The following CAND1 variants were observed in gnomAD, a reference collection of about 807,000 sequenced individuals.
CAND1 encodes cullin-associated NEDD8-dissociated protein 1.
In CAND1, 7 loss-of-function variants were observed where a neutral mutation model predicts 108.5. The observed-to-expected ratio is 0.06, with a 90% CI of 0.04 to 0.12. The LOEUF is 0.12. CAND1 is among the 10% of genes least tolerant of loss of function. The pLI, the probability that CAND1 is intolerant of heterozygous loss-of-function variation, is 1.00. For synonymous variants in CAND1, 534 were observed against 512.0 expected (o/e 1.04, Z -0.58); for missense variants, 941 against 1,448.7 (o/e 0.65, Z 5.69).
In CAND1 at chr12:67,311,818, T is replaced by C; in HGVS notation, c.3468+18T>C. ...CAACTAAGGTAAGAAATGATAAGTA[T>C]CAACCTAGGTCAGACTTGGTGTATT... On this transcript the variant is annotated intron_variant, in intron 14 of 14. Transcript: ENST00000545606. 1 of 1,411,282 alleles carries C rather than the reference T, an allele frequency of 7.1e-7. No homozygotes were observed. The highest frequency in any genetic ancestry group is 1.0e-6 in the Non-Finnish European group (1 of 995,490). The allele number at this position is 1,411,282 out of a possible 1,614,324, so 87.4% of individuals were successfully genotyped here. A position where few individuals can be genotyped will look rare whatever the true frequency, so the allele number is the denominator to read the frequency against.
At chr12:67,280,259 G>T (rs1425013705) in intron 1 of CAND1, among the ~76,000 whole-genome samples, 1 of 152,162 alleles carries the variant, frequency 6.6e-6, no homozygotes, top group Admixed American at 6.5e-5. Context: ...ATACCTACTT[G>T]CATGTAGTGT....
chr12:67,281,360 C>G (rs1399140453), intron 1 of CAND1, among the ~76,000 whole-genome samples: 1 of 151,842 alleles, frequency 6.6e-6, no homozygotes, highest in African/African-American at 2.4e-5. Flanking sequence ...AGAAAATAGG[C>G]CTGATACCTA....
intron 11 of CAND1, among the ~76,000 whole-genome samples, chr12:67,308,088 T>C (rs1317813105): frequency 6.6e-6 from 1 of 152,046 alleles, no homozygotes; most frequent in Non-Finnish European, 1.5e-5. Flanking sequence ...TTGCATTTTG[T>C]TTTTATCATT....
chr12:67,291,359 C>G (rs1158139159), intron 2 of CAND1, among the ~76,000 whole-genome samples: 1 of 151,010 alleles, frequency 6.6e-6, no homozygotes, highest in African/African-American at 2.5e-5. Context: ...TTTTATAAAT[C>G]TCCTCAAGGA....
chr12:67,316,253 A>G lies in CAND1; in HGVS notation c.*3423A>G, dbSNP rs2045006496. On this transcript the variant is annotated 3_prime_UTR_variant, in exon 15 of 15. Coordinates refer to ENST00000545606, the MANE Select transcript of CAND1 (RefSeq NM_018448.5). The stretch of plus-strand genomic sequence containing the variant: ...TATTCTGGTTTTAACTGACTTTTCC[A>G]TTTAAATAAAATTCATTTGATAATT... 6.6e-6 allele frequency: 1 copy of G among 152,322 alleles called. No homozygotes were observed. Among genetic ancestry groups the G allele is most frequent in the South Asian group, 2.1e-4 (1 of 4,828 alleles). 9.4% of individuals were successfully genotyped at this position (152,322 alleles called of 1,614,324 possible). A position where few individuals can be genotyped will look rare whatever the true frequency, so the allele number is the denominator to read the frequency against.
intron 1 of CAND1, among the ~76,000 whole-genome samples, chr12:67,276,753 T>G (rs1432268600): frequency 6.6e-6 from 1 of 152,184 alleles, no homozygotes; most frequent in Non-Finnish European, 1.5e-5. Context: ...ATCAGATCGG[T>G]TAGTAATAAC....
intron 8 of CAND1, 66 bp from the exon 9 acceptor site, chr12:67,304,539 T>C (rs1424510234): frequency 2.0e-6 from 3 of 1,493,774 alleles, no homozygotes; most frequent in East Asian, 4.5e-5. Context: ...TTCTCCATAA[T>C]TCATGTTAAG....
chr12:67,303,337 A>C (rs1176266129), intron 8 of CAND1, among the ~76,000 whole-genome samples: 1 of 152,224 alleles, frequency 6.6e-6, no homozygotes. Flanking sequence ...CGGGACACAC[A>C]TACTGTATCT....
chr12:67,301,417 T>C (rs1328142947), intron 7 of CAND1, among the ~76,000 whole-genome samples: 1 of 152,282 alleles, frequency 6.6e-6, no homozygotes, highest in South Asian at 2.1e-4. Context: ...AATAAAGAAA[T>C]TATTGTGAGA....
At position 67,269,657 on chromosome 12, in the gene CAND1, G is replaced by C; in HGVS notation, c.-61G>C. ...AGGAGCTCCAGTGGCGGCGGCGGCG[G>C]CGGCAGCGGCAGCGGGCAGCAGCTC... On this transcript the variant is annotated 5_prime_UTR_variant, in exon 1 of 15. Coordinates refer to ENST00000545606, the MANE Select transcript of CAND1 (RefSeq NM_018448.5). 1 of 1,454,586 alleles carries C rather than the reference G, an allele frequency of 6.9e-7. No homozygotes were observed. Among genetic ancestry groups the C allele is most frequent in the Non-Finnish European group, 9.5e-7 (1 of 1,055,480 alleles). The allele number at this position is 1,454,586 out of a possible 1,614,324, so 90.1% of individuals were successfully genotyped here. A position where few individuals can be genotyped will look rare whatever the true frequency, so the allele number is the denominator to read the frequency against.
chr12:67,276,672 G>T (rs184858785), intron 1 of CAND1, among the ~76,000 whole-genome samples: 3 of 152,304 alleles, frequency 2.0e-5, no homozygotes, highest in Admixed American at 1.3e-4. Flanking sequence ...ATTGCTCAGG[G>T]ACCTTGTCCG....
intron 11 of CAND1, among the ~76,000 whole-genome samples, chr12:67,308,024 T>C (rs989813951): frequency 6.6e-6 from 1 of 152,074 alleles, no homozygotes; most frequent in Non-Finnish European, 1.5e-5. Flanking sequence ...GGCTTCTCTA[T>C]TTCTGTGAAG....
chr12:67,272,387 A>G (rs1236561200), intron 1 of CAND1, among the ~76,000 whole-genome samples: 1 of 152,208 alleles, frequency 6.6e-6, no homozygotes, highest in Non-Finnish European at 1.5e-5. Flanking sequence ...GACTAATTAC[A>G]AAAGGTTGTT....
intron 7 of CAND1, among the ~76,000 whole-genome samples, chr12:67,299,735 C>T (rs1471556373): frequency 6.6e-6 from 1 of 152,094 alleles, no homozygotes; most frequent in Admixed American, 6.5e-5. Context: ...GTAGTAGCAG[C>T]ACTTCAAGGA....
At chr12:67,295,444 T>C (rs982586534) in intron 4 of CAND1, among the ~76,000 whole-genome samples, 1 of 152,226 alleles carries the variant, frequency 6.6e-6, no homozygotes, top group African/African-American at 2.4e-5. Context: ...TTTACTCATA[T>C]ATTCTTGCAT....
intron 1 of CAND1, chr12:67,270,251 C>G (rs1045775724): frequency 6.3e-6 from 1 of 159,444 alleles, no homozygotes; most frequent in Non-Finnish European, 1.4e-5. Flanking sequence ...AGCCTCCTCT[C>G]TGCCCGCAGG....
rs1200870824 is a variant in CAND1 at position 67,313,069 on chromosome 12, A to G, written c.*239A>G. The G allele has an allele frequency of 2.8e-6, 1 of 358,306 alleles. No individual in the cohort carries two copies. 22.2% of individuals were successfully genotyped at this position (358,306 alleles called of 1,614,324 possible). ...CCACTAGTGTTTTAGTGGTTACAGC[A>G]ACATTTGAAATGGAAACTAAAAGTT... On this transcript the variant is annotated 3_prime_UTR_variant, in exon 15 of 15. Coordinates refer to ENST00000545606, the MANE Select transcript of CAND1 (RefSeq NM_018448.5).
rs891376414 is a variant in CAND1 at position 67,314,840 on chromosome 12, G to A, written c.*2010G>A. On this transcript the variant is annotated 3_prime_UTR_variant, in exon 15 of 15. Transcript: ENST00000545606. ...TAGATACTGCTCTTTTATGGCTTTA[G>A]TGTTTATATACCTGTTTATATGCAT... 6.6e-6 allele frequency: 1 copy of A among 152,102 alleles called. No individual in the cohort carries two copies. Among genetic ancestry groups the A allele is most frequent in the African/African-American group, 2.4e-5 (1 of 41,408 alleles). The allele number at this position is 152,102 out of a possible 1,614,324, so 9.4% of individuals were successfully genotyped here.
chr12:67,304,092 C>T (rs555057217), intron 8 of CAND1, among the ~76,000 whole-genome samples: 14 of 150,914 alleles, frequency 9.3e-5, no homozygotes, highest in East Asian at 2.0e-4. Context: ...TGGGTTCAAG[C>T]GATTCTCCTG....
Sources: gnomAD v4.1 joint callset for allele counts (sites outside exome capture counted in the v4.1 genomes callset) on GRCh38, gnomAD v4.1.1 for gene constraint, MANE v1.5 for transcripts, NCBI Gene and HGNC (gene_info 2026-07-23, HGNC 2026-07-21) for gene names.